The following ANKS1B variants were observed in gnomAD, a reference collection of about 807,000 sequenced individuals.
ANKS1B encodes the protein ankyrin repeat and sterile alpha motif domain-containing protein 1B.
A neutral mutation model predicts 148.3 loss-of-function variants in ANKS1B; 36 were observed. The ratio of observed to expected loss-of-function variants is 0.24; its 90% CI spans 0.19 to 0.32. The LOEUF (loss-of-function observed/expected upper bound fraction) is 0.32. ANKS1B is among the 10% of genes least tolerant of loss of function. The pLI is 1.00. For missense variants in ANKS1B, 1,157 were observed against 1,542.6 expected (o/e 0.75, Z 4.19); for synonymous variants, 542 against 560.8 (o/e 0.97, Z 0.47).
At chr12:98,873,928 A>G (rs1041788768) in intron 17 of ANKS1B, among the ~76,000 whole-genome samples, 5 of 152,194 alleles carry the variant, frequency 3.3e-5, no homozygotes, top group Admixed American at 3.3e-4. Context: ...AAAGGATGTT[A>G]TAAGTCACAA....
At chr12:98,828,413 C>T (rs1489390949) in intron 19 of ANKS1B, among the ~76,000 whole-genome samples, 2 of 152,208 alleles carry the variant, frequency 1.3e-5, no homozygotes, top group East Asian at 1.9e-4. Flanking sequence ...GAGAAGACTC[C>T]TGCACATCAG....
intron 1 of ANKS1B, among the ~76,000 whole-genome samples, chr12:99,890,969 A>AT (rs2093071221): frequency 6.6e-6 from 1 of 152,350 alleles, no homozygotes; most frequent in Admixed American, 6.5e-5. Flanking sequence ...CACCATAGGA[A>AT]ACCATTCTTC....
intron 16 of ANKS1B, among the ~76,000 whole-genome samples, chr12:99,075,938 A>G (rs1028099339): frequency 4.0e-5 from 6 of 150,416 alleles, no homozygotes; most frequent in African/African-American, 1.5e-4. Context: ...AATGTTATAC[A>G]ATATAGCATG....
chr12:99,145,384 A>C (rs1223052585), intron 15 of ANKS1B, among the ~76,000 whole-genome samples: 1 of 152,108 alleles, frequency 6.6e-6, no homozygotes, highest in African/African-American at 2.4e-5. Flanking sequence ...AGAGCAGTGA[A>C]AGATAAGGCT....
At chr12:99,567,299 G>A (rs1248342977) in intron 9 of ANKS1B, among the ~76,000 whole-genome samples, 1 of 152,010 alleles carries the variant, frequency 6.6e-6, no homozygotes, top group African/African-American at 2.4e-5. Flanking sequence ...TACCTAATTA[G>A]GTCAAGCCCA....
chr12:99,701,212 G>A (rs142629793), intron 8 of ANKS1B, among the ~76,000 whole-genome samples: 1 of 152,056 alleles, frequency 6.6e-6, no homozygotes, highest in Non-Finnish European at 1.5e-5. Flanking sequence ...GACACTTTGG[G>A]GTTGCAAGTG....
chr12:98,845,517 C>A (rs1193208527), intron 17 of ANKS1B, among the ~76,000 whole-genome samples: 1 of 152,142 alleles, frequency 6.6e-6, no homozygotes, highest in Non-Finnish European at 1.5e-5. Flanking sequence ...ATAATATGAA[C>A]TCTGCAGTCT....
At chr12:99,030,773 T>C (rs2099951620) in intron 17 of ANKS1B, among the ~76,000 whole-genome samples, 2 of 152,234 alleles carry the variant, frequency 1.3e-5, no homozygotes, top group African/African-American at 4.8e-5. Context: ...GTGCTTGGCA[T>C]ACAGTAAGTA....
chr12:99,395,945 A>G (rs1244382868), intron 12 of ANKS1B, among the ~76,000 whole-genome samples: 1 of 152,180 alleles, frequency 6.6e-6, no homozygotes, highest in Non-Finnish European at 1.5e-5. Context: ...TTATACTTCT[A>G]AGTCAAGAAA....
exon 10 of ANKS1B, chr12:98,735,622 C>A: frequency 1.3e-6 from 1 of 770,680 alleles, no homozygotes; most frequent in Non-Finnish European, 2.4e-6. Flanking sequence ...GTATGGCTGG[C>A]ATGAAGAAGA....
chr12:99,649,669 AG>A (rs998705617), intron 9 of ANKS1B: 67 of 372,762 alleles, frequency 1.8e-4, no homozygotes, highest in African/African-American at 1.3e-3. Context: ...TGTTATAGCA[AG>A]GGCTGCATGC....
chr12:99,680,852 G>A (rs1178854152), intron 8 of ANKS1B, among the ~76,000 whole-genome samples: 1 of 152,094 alleles, frequency 6.6e-6, no homozygotes, highest in Non-Finnish European at 1.5e-5. Flanking sequence ...CATGGGAGCT[G>A]AGTGAGGCCC....
chr12:99,676,158 T>C (rs1322533301), intron 8 of ANKS1B, among the ~76,000 whole-genome samples: 2 of 152,124 alleles, frequency 1.3e-5, no homozygotes, highest in Non-Finnish European at 2.9e-5. Flanking sequence ...AAGAAGGACA[T>C]GTTTGCTTCC....
chr12:99,090,243 A>G (rs1216727782), intron 15 of ANKS1B, among the ~76,000 whole-genome samples: 3 of 152,158 alleles, frequency 2.0e-5, no homozygotes, highest in Non-Finnish European at 2.9e-5. Context: ...CTGTCTCTCC[A>G]AACTCTGCAT....
chr12:99,055,728 G>T (rs143295254), intron 16 of ANKS1B, among the ~76,000 whole-genome samples: 94,909 of 150,594 alleles, frequency 0.63, 30,391 homozygotes, highest in East Asian at 0.8. Context: ...ACTTGGGGGG[G>T]GGGGAGGTGG....
intron 9 of ANKS1B, among the ~76,000 whole-genome samples, chr12:99,635,569 AAGT>A (rs1383522303): frequency 6.6e-6 from 1 of 152,148 alleles, no homozygotes; most frequent in Non-Finnish European, 1.5e-5. Context: ...TAGAAATAAA[AAGT>A]AGAATGGTGG....
chr12:99,704,994 G>A (rs1034003652), intron 8 of ANKS1B, among the ~76,000 whole-genome samples: 1 of 151,970 alleles, frequency 6.6e-6, no homozygotes, highest in Non-Finnish European at 1.5e-5. Flanking sequence ...CATGACAAAT[G>A]ACTAAGCAGA....
chr12:99,656,609 C>G (rs1188119871), intron 8 of ANKS1B, among the ~76,000 whole-genome samples: 1 of 151,896 alleles, frequency 6.6e-6, no homozygotes, highest in Non-Finnish European at 1.5e-5. Context: ...AGGGGTCAAA[C>G]CAAGACCTCT....
chr12:99,522,241 G>C (rs1176596084), intron 9 of ANKS1B, among the ~76,000 whole-genome samples: 1 of 152,136 alleles, frequency 6.6e-6, no homozygotes, highest in Non-Finnish European at 1.5e-5. Context: ...TCTCTTCCAA[G>C]AGATTGATGT....
Sources: gnomAD v4.1 joint callset for allele counts (sites outside exome capture counted in the v4.1 genomes callset) on GRCh38, gnomAD v4.1.1 for gene constraint, MANE v1.5 for transcripts, NCBI Gene and HGNC (gene_info 2026-07-23, HGNC 2026-07-21) for gene names.